The following ARL15 variants were observed in gnomAD, a reference collection of about 807,000 sequenced individuals.
ARL15 encodes ARF like GTPase 15, also known as ADP-ribosylation factor-like protein 15.
A neutral mutation model predicts 25.2 loss-of-function variants in ARL15; 19 were observed. The observed-to-expected ratio is 0.75, with a 90% CI of 0.53 to 1.10. The LOEUF is 1.10. Among genes scored for constraint, ARL15 ranks in the 50% least tolerant of loss-of-function variants. The pLI is 0.00. For missense variants in ARL15, 220 were observed against 246.0 expected (o/e 0.89, Z 0.71); for synonymous variants, 94 against 86.8 (o/e 1.08, Z -0.46).
At chr5:54,021,744 T>C (rs1749609679) in intron 4 of ARL15, among the ~76,000 whole-genome samples, 1 of 152,090 alleles carries the variant, frequency 6.6e-6, no homozygotes, top group Non-Finnish European at 1.5e-5. Context: ...ATCCCAAATT[T>C]GGCAAAAAGA....
At chr5:54,268,829 C>T (rs901375571) in intron 1 of ARL15, among the ~76,000 whole-genome samples, 1 of 152,106 alleles carries the variant, frequency 6.6e-6, no homozygotes, top group African/African-American at 2.4e-5. Context: ...CCCAAATGTC[C>T]AACGATGATA....
At chr5:54,154,125 T>C (rs1754150373) in intron 3 of ARL15, among the ~76,000 whole-genome samples, 1 of 152,176 alleles carries the variant, frequency 6.6e-6, no homozygotes. Context: ...TAAATGTGCT[T>C]GGCCAGCAAA....
chr5:54,195,541 A>G (rs1405852640), intron 1 of ARL15, among the ~76,000 whole-genome samples: 1 of 152,154 alleles, frequency 6.6e-6, no homozygotes, highest in South Asian at 2.1e-4. Context: ...TTATAAGCAC[A>G]TATGAGGACA....
chr5:53,967,439 GT>G (rs1284287892), intron 4 of ARL15, among the ~76,000 whole-genome samples: 1 of 152,212 alleles, frequency 6.6e-6, no homozygotes. Context: ...AAAGTGGTTA[GT>G]TTGAGGATAT....
chr5:53,990,225 CCT>C lies in ARL15; in HGVS notation c.463-103514_463-103513del, dbSNP rs1456329121. ...TCCAGCCTGGGCAGCAGGGCCAGGC[CCT>C]GTCTCTAAAAAAAAAATAGTTAAAA... On this transcript the variant is annotated intron_variant, in intron 4 of 4. Transcript: ENST00000504924. 7.3e-5 allele frequency among the ~76,000 whole-genome samples: 11 copies of C among 151,520 alleles called. No individual in the cohort carries two copies. In the South Asian group the frequency reaches 1.7e-3, roughly 23 times the overall value.
chr5:54,074,943 T>TAC (rs1554038432), intron 4 of ARL15, among the ~76,000 whole-genome samples: 1 of 151,684 alleles, frequency 6.6e-6, no homozygotes, highest in Non-Finnish European at 1.5e-5. Flanking sequence ...TTTAGTCTTT[T>TAC]ACTCCTTACA....
chr5:54,303,034 C>A (rs995578624), intron 1 of ARL15, among the ~76,000 whole-genome samples: 2 of 152,094 alleles, frequency 1.3e-5, no homozygotes, highest in African/African-American at 2.4e-5. Flanking sequence ...AGTTATGAGA[C>A]CTTCCCTAAC....
intron 1 of ARL15, among the ~76,000 whole-genome samples, chr5:54,232,151 A>C (rs1477634745): frequency 2.0e-5 from 3 of 152,122 alleles, no homozygotes; most frequent in Admixed American, 6.5e-5. Context: ...TAGTTCTTCC[A>C]AAAAGTCCTG....
chr5:53,918,868 A>T (rs1340844195), intron 4 of ARL15, among the ~76,000 whole-genome samples: 1 of 152,196 alleles, frequency 6.6e-6, no homozygotes, highest in South Asian at 2.1e-4. Context: ...GGTCCATTAA[A>T]CTTGAAAAGT....
chr5:54,035,761 TAG>T (rs1750148038), intron 4 of ARL15, among the ~76,000 whole-genome samples: 1 of 152,192 alleles, frequency 6.6e-6, no homozygotes, highest in Non-Finnish European at 1.5e-5. Flanking sequence ...TTTGTTTTAA[TAG>T]AGTCATATTT....
intron 1 of ARL15, among the ~76,000 whole-genome samples, chr5:54,241,375 A>G (rs1463781997): frequency 1.3e-5 from 2 of 152,176 alleles, no homozygotes; most frequent in Non-Finnish European, 2.9e-5. Context: ...TATTATTCAG[A>G]ATCATAAGGA....
At chr5:54,206,879 T>C (rs1467412457) in intron 1 of ARL15, among the ~76,000 whole-genome samples, 1 of 152,170 alleles carries the variant, frequency 6.6e-6, no homozygotes, top group Non-Finnish European at 1.5e-5. Context: ...ATAATGAATA[T>C]ACAAAGCCCA....
At chr5:54,159,566 C>T (rs1365669697) in intron 2 of ARL15, among the ~76,000 whole-genome samples, 1 of 152,164 alleles carries the variant, frequency 6.6e-6, no homozygotes, top group Admixed American at 6.5e-5. Context: ...AAAGTAACCA[C>T]TGAGTCAATC....
chr5:54,259,291 T>TA (rs1388973589), intron 1 of ARL15, among the ~76,000 whole-genome samples: 1 of 152,162 alleles, frequency 6.6e-6, no homozygotes, highest in Non-Finnish European at 1.5e-5. Flanking sequence ...CATATAAACT[T>TA]AACCTTGGGG....
chr5:54,095,423 T>A (rs1445921160), intron 4 of ARL15, among the ~76,000 whole-genome samples: 1 of 152,174 alleles, frequency 6.6e-6, no homozygotes, highest in Non-Finnish European at 1.5e-5. Context: ...TTTTCTACTG[T>A]CCTTTTCCCT....
At chr5:54,208,504 C>A (rs1402029237) in intron 1 of ARL15, among the ~76,000 whole-genome samples, 1 of 152,042 alleles carries the variant, frequency 6.6e-6, no homozygotes, top group Non-Finnish European at 1.5e-5. Flanking sequence ...AAAATCATCA[C>A]CACCACCAGA....
intron 4 of ARL15, among the ~76,000 whole-genome samples, chr5:53,910,418 G>A (rs1745410544): frequency 6.6e-6 from 1 of 151,754 alleles, no homozygotes; most frequent in African/African-American, 2.4e-5. Context: ...CGTAAGAAAA[G>A]GCCACAAGAA....
intron 1 of ARL15, among the ~76,000 whole-genome samples, chr5:54,212,511 A>G (rs182158263): frequency 8.5e-5 from 13 of 152,316 alleles, no homozygotes; most frequent in Non-Finnish European, 1.2e-4. Context: ...GAAGCTGAGA[A>G]AACAGGGAAC....
chr5:54,165,999 G>A (rs568389493), intron 2 of ARL15, among the ~76,000 whole-genome samples: 24 of 152,088 alleles, frequency 1.6e-4, no homozygotes, highest in South Asian at 6.2e-4. Flanking sequence ...GTCAAAATCC[G>A]CAGATTTAAG....
Sources: allele counts gnomAD v4.1 joint callset (sites outside exome capture counted in the v4.1 genomes callset), GRCh38; gene constraint gnomAD v4.1.1; transcripts MANE v1.5; gene names NCBI Gene and HGNC (gene_info 2026-07-23, HGNC 2026-07-21).